The following NPAS3 variants were observed in gnomAD, a reference collection of about 807,000 sequenced individuals.
NPAS3 encodes neuronal PAS domain protein 3.
NPAS3 carries 14 observed loss-of-function variants against 73.1 expected under a neutral mutation model. The ratio of observed to expected loss-of-function variants is 0.19; its 90% CI spans 0.13 to 0.30. NPAS3 has a LOEUF of 0.30. Among genes scored for constraint, NPAS3 ranks in the 10% least tolerant of loss-of-function variants. The pLI, the probability that NPAS3 is intolerant of heterozygous loss-of-function variation, is 1.00. For missense variants in NPAS3, 1,096 were observed against 1,250.0 expected, an observed-to-expected ratio of 0.88 and a Z score of 1.86; for synonymous variants, 620 against 541.5, an observed-to-expected ratio of 1.14 and a Z score of -2.01.
chr14:33,659,712 A>C (rs899142151), intron 5 of NPAS3, among the ~76,000 whole-genome samples: 3 of 152,062 alleles, frequency 2.0e-5, no homozygotes, highest in Non-Finnish European at 4.4e-5. Flanking sequence ...ACCTTTAATA[A>C]TCTCTATTTC....
chr14:33,311,771 T>C (rs2043012315), intron 3 of NPAS3, among the ~76,000 whole-genome samples: 1 of 152,082 alleles, frequency 6.6e-6, no homozygotes. Flanking sequence ...GGATTATTAA[T>C]ACCTATGGGT....
intron 5 of NPAS3, among the ~76,000 whole-genome samples, chr14:33,628,071 C>T (rs1221683143): frequency 6.6e-6 from 1 of 152,218 alleles, no homozygotes; most frequent in African/African-American, 2.4e-5. Flanking sequence ...GCCTGCATCA[C>T]AGAATTCTCT....
intron 4 of NPAS3, among the ~76,000 whole-genome samples, chr14:33,488,601 A>G (rs998248131): frequency 1.3e-5 from 2 of 152,188 alleles, no homozygotes; most frequent in Non-Finnish European, 2.9e-5. Flanking sequence ...TGAGTTCATC[A>G]TATTCCTAGA....
chr14:33,647,269 ACTCT>A lies in NPAS3; in HGVS notation c.559-28923_559-28920del, dbSNP rs536728235. ...CTTACTCAGTTTATTACATCTTCTTACTCTCTCTCTCTCTCTCTCTCTATATATA... is the reference window on the plus strand; with the variant it reads ...CTTACTCAGTTTATTACATCTTCTTACTCTCTCTCTCTCTCTCTATATATA... On this transcript the variant is annotated intron_variant, in intron 5 of 11. Transcript: ENST00000356141. Among the ~76,000 whole-genome samples, 806 of 148,146 alleles carry A rather than the reference ACTCT, an allele frequency of 5.4e-3. 11 individuals carry two copies. Among genetic ancestry groups the A allele is most frequent in the African/African-American group, 0.018 (731 of 40,004 alleles).
intron 6 of NPAS3, among the ~76,000 whole-genome samples, chr14:33,714,509 G>A (rs1157148822): frequency 2.6e-5 from 4 of 152,128 alleles, no homozygotes; most frequent in African/African-American, 9.7e-5. Flanking sequence ...GATCGTAGCT[G>A]GGCACAGGAA....
chr14:33,784,745 A>ATTTTTTTTTTTTATTTTTTTTTTTT (rs2063103673), intron 9 of NPAS3, among the ~76,000 whole-genome samples: 1 of 73,840 alleles, frequency 1.4e-5, no homozygotes, highest in African/African-American at 6.3e-5. Context: ...TTATTTATTT[A>ATTTTTTTTTTTTATTTTTTTTTTTT]TTTTTTTTTT....
chr14:33,634,439 C>A (rs1001537446), intron 5 of NPAS3, among the ~76,000 whole-genome samples: 1 of 151,994 alleles, frequency 6.6e-6, no homozygotes, highest in Non-Finnish European at 1.5e-5. Context: ...TTTCTGAGAG[C>A]GATGTGGAGG....
At chr14:33,184,568 G>A (rs1158851532) in intron 2 of NPAS3, among the ~76,000 whole-genome samples, 3 of 152,144 alleles carry the variant, frequency 2.0e-5, no homozygotes, top group East Asian at 3.9e-4. Context: ...TTAGAGCGGG[G>A]CCAGTGAAAT....
At chr14:32,987,987 A>T (rs2038164253) in intron 1 of NPAS3, among the ~76,000 whole-genome samples, 1 of 152,172 alleles carries the variant, frequency 6.6e-6, no homozygotes, top group African/African-American at 2.4e-5. Context: ...TATAAAGTTA[A>T]TTATTGTTAT....
chr14:33,640,921 A>C (rs1181965682), intron 5 of NPAS3, among the ~76,000 whole-genome samples: 1 of 152,248 alleles, frequency 6.6e-6, no homozygotes, highest in Non-Finnish European at 1.5e-5. Flanking sequence ...TGCATGATCC[A>C]AATTTTGTTA....
chr14:33,392,515 G>C (rs961859553), intron 4 of NPAS3, among the ~76,000 whole-genome samples: 1 of 152,138 alleles, frequency 6.6e-6, no homozygotes, highest in African/African-American at 2.4e-5. Context: ...TGCAGTAGTA[G>C]CTTAAGAAGA....
intron 4 of NPAS3, among the ~76,000 whole-genome samples, chr14:33,489,756 C>T (rs892639201): frequency 6.6e-6 from 1 of 152,100 alleles, no homozygotes; most frequent in African/African-American, 2.4e-5. Context: ...ATTGGCTGGC[C>T]TCAGAATAGG....
chr14:33,469,139 T>G (rs1298872510), intron 4 of NPAS3, among the ~76,000 whole-genome samples: 1 of 152,180 alleles, frequency 6.6e-6, no homozygotes, highest in African/African-American at 2.4e-5. Context: ...TCAGTCCCTT[T>G]CAAACTTTGC....
intron 5 of NPAS3, among the ~76,000 whole-genome samples, chr14:33,618,342 G>A (rs1180854527): frequency 6.6e-6 from 1 of 152,112 alleles, no homozygotes; most frequent in African/African-American, 2.4e-5. Context: ...TGTAGAATCA[G>A]TGGGAGCCCT....
At chr14:33,384,133 T>A (rs1378772798) in intron 4 of NPAS3, among the ~76,000 whole-genome samples, 2 of 150,184 alleles carry the variant, frequency 1.3e-5, no homozygotes, top group African/African-American at 2.5e-5. Flanking sequence ...TTAGAAATGA[T>A]GTCTTGCTGA....
chr14:33,797,615 A>G, intron 11 of NPAS3, 34 bp downstream of exon 11: 2 of 1,610,522 alleles, frequency 1.2e-6, no homozygotes, highest in Non-Finnish European at 1.7e-6. Flanking sequence ...TCTTCAGTGA[A>G]GCTTGCCCAC....
intron 3 of NPAS3, among the ~76,000 whole-genome samples, chr14:33,323,464 T>C (rs897808248): frequency 2.0e-5 from 3 of 152,138 alleles, no homozygotes; most frequent in Non-Finnish European, 4.4e-5. Flanking sequence ...TTACCTCTAC[T>C]CTCTTTGGCA....
chr14:33,636,840 T>A (rs2058532081), intron 5 of NPAS3, among the ~76,000 whole-genome samples: 1 of 151,930 alleles, frequency 6.6e-6, no homozygotes, highest in African/African-American at 2.4e-5. Flanking sequence ...GTCAGGAAAT[T>A]TTTGGCATCT....
chr14:33,491,424 G>C (rs1300337450), intron 4 of NPAS3, among the ~76,000 whole-genome samples: 1 of 152,038 alleles, frequency 6.6e-6, no homozygotes, highest in Admixed American at 6.6e-5. Flanking sequence ...GTTATCCAGT[G>C]GAAATTTGAT....
Sources: allele counts gnomAD v4.1 joint callset (sites outside exome capture counted in the v4.1 genomes callset), GRCh38; gene constraint gnomAD v4.1.1; transcripts MANE v1.5; gene names NCBI Gene and HGNC (gene_info 2026-07-23, HGNC 2026-07-21).